DIP2C: variants seen among roughly 807,000 people sequenced by gnomAD.
DIP2C encodes DIP2 acetate--CoA ligase C (putative), also known as disco-interacting protein 2 homolog C.
DIP2C carries 33 observed loss-of-function variants against 192.4 expected under a neutral mutation model. That is an observed-to-expected ratio of 0.17 (90% CI 0.13 to 0.23). The LOEUF is 0.23. DIP2C is among the 10% of genes least tolerant of loss of function. The probability of loss-of-function intolerance (pLI) is 1.00; values close to 1 mark genes in which losing one functional copy is unlikely to be tolerated. For synonymous variants in DIP2C, 979 were observed against 864.1 expected (o/e 1.13, Z -2.33); for missense variants, 1,537 against 2,110.1 (o/e 0.73, Z 5.32).
intron 29 of DIP2C, among the ~76,000 whole-genome samples, chr10:336,804 C>A (rs1957789417): frequency 6.6e-6 from 1 of 151,602 alleles, no homozygotes. Context: ...ACACTGAACA[C>A]CCTGGCCCTG....
chr10:565,813 C>T (rs959054587), intron 1 of DIP2C, among the ~76,000 whole-genome samples: 1 of 152,242 alleles, frequency 6.6e-6, no homozygotes, highest in African/African-American at 2.4e-5. Context: ...CAGGCTGGCG[C>T]CCTTCTCCGA....
intron 1 of DIP2C, among the ~76,000 whole-genome samples, chr10:621,685 C>T (rs1367878696): frequency 6.6e-6 from 1 of 152,198 alleles, no homozygotes; most frequent in Non-Finnish European, 1.5e-5. Flanking sequence ...CGCCTCCATC[C>T]TCCATCCTCC....
chr10:424,000 T>A (rs1157811874), intron 4 of DIP2C, among the ~76,000 whole-genome samples: 1 of 152,228 alleles, frequency 6.6e-6, no homozygotes, highest in Non-Finnish European at 1.5e-5. Context: ...TCACTATAAT[T>A]TATGAGAATA....
intron 29 of DIP2C, among the ~76,000 whole-genome samples, chr10:337,717 A>C (rs1251012922): frequency 1.4e-5 from 2 of 144,774 alleles, no homozygotes; most frequent in African/African-American, 5.3e-5. Context: ...GTGGAGGCCT[A>C]GGCTGATGTG....
intron 29 of DIP2C, among the ~76,000 whole-genome samples, chr10:337,049 G>GT (rs1957829438): frequency 5.3e-5 from 2 of 37,964 alleles, no homozygotes; most frequent in African/African-American, 1.3e-4. Flanking sequence ...GGCCTAGACT[G>GT]GTGTGTGTGT....
chr10:658,332 ACTGGACCTGCCC>A (rs771815620), intron 1 of DIP2C, among the ~76,000 whole-genome samples: 4,969 of 59,230 alleles, frequency 0.084, 50 homozygotes, highest in Middle Eastern at 0.18. Context: ...TGGACCTGAC[ACTGGACCTGCCC>A]CTGGACCTGC....
intron 31 of DIP2C, among the ~76,000 whole-genome samples, chr10:313,932 T>C (rs1202896414): frequency 6.6e-6 from 1 of 152,200 alleles, no homozygotes; most frequent in Non-Finnish European, 1.5e-5. Flanking sequence ...CACCATAATA[T>C]TAGCACAACC....
In DIP2C at chr10:537,424, T is replaced by A. The variant is rs553117864; in HGVS notation, c.86-50894A>T. Reference sequence around the variant, plus strand: ...AGGATCACCCTGGCGCAGACTCCGGTTCCTTTCAATTCGCCTCTTTTCTTC... The same window carrying A: ...AGGATCACCCTGGCGCAGACTCCGGATCCTTTCAATTCGCCTCTTTTCTTC... On this transcript the variant is annotated intron_variant, in intron 1 of 36. Coordinates refer to ENST00000280886, the MANE Select transcript of DIP2C (RefSeq NM_014974.3). Among the ~76,000 whole-genome samples the A allele has an allele frequency of 3.3e-5, 5 of 152,250 alleles. No homozygotes were observed. In the South Asian group the frequency reaches 1.0e-3, roughly 32 times the overall value.
At position 283,248 on chromosome 10, in the gene DIP2C, G is replaced by A. The variant is rs45445697; in HGVS notation, c.4294+24C>T. ...AACCTCTCTGCCCATCTGTTGGGGG[G>A]GGGCCGCCAGCCTGGACTCTCACCT... is the stretch of plus-strand genomic sequence containing the variant. On this transcript the variant is annotated intron_variant, in intron 35 of 36. Coordinates refer to ENST00000280886, the MANE Select transcript of DIP2C (RefSeq NM_014974.3). 3 of 1,610,208 alleles carry A rather than the reference G, an allele frequency of 1.9e-6. No individual in the cohort carries two copies. In the African/African-American group the frequency reaches 4.0e-5, roughly 22 times the overall value.
intron 1 of DIP2C, among the ~76,000 whole-genome samples, chr10:671,336 G>A (rs368268359): frequency 6.6e-6 from 1 of 151,900 alleles, no homozygotes; most frequent in East Asian, 1.9e-4. Context: ...CAGACGCACG[G>A]ACGGAGGAAA....
At chr10:472,884 G>C (rs752647957) in intron 2 of DIP2C, among the ~76,000 whole-genome samples, 3 of 152,210 alleles carry the variant, frequency 2.0e-5, no homozygotes, top group Admixed American at 6.6e-5. Flanking sequence ...ATAGACTCAA[G>C]TTATGACCTT....
chr10:474,758 G>T (rs1746199237), intron 2 of DIP2C, among the ~76,000 whole-genome samples: 1 of 152,120 alleles, frequency 6.6e-6, no homozygotes, highest in African/African-American at 2.4e-5. Context: ...CGGACTTCTG[G>T]GTGAAAATTA....
chr10:685,092 C>A (rs1291669363), intron 1 of DIP2C, among the ~76,000 whole-genome samples: 1 of 138,612 alleles, frequency 7.2e-6, no homozygotes, highest in Non-Finnish European at 1.5e-5. Flanking sequence ...CGAGATTGCA[C>A]CACTGCACCC....
At chr10:541,050 TGGGGA>T (rs1847957279) in intron 1 of DIP2C, among the ~76,000 whole-genome samples, 1 of 130,506 alleles carries the variant, frequency 7.7e-6, no homozygotes, top group Non-Finnish European at 1.6e-5. Flanking sequence ...CACCCGATGC[TGGGGA>T]GCCACAACAC....
At position 513,641 on chromosome 10, in the gene DIP2C, T is replaced by C. The variant is rs551013513; in HGVS notation, c.86-27111A>G. Among the ~76,000 whole-genome samples the C allele has an allele frequency of 2.6e-5, 4 of 152,312 alleles. No homozygotes were observed. In the East Asian group the frequency reaches 7.7e-4, roughly 29 times the overall value. On this transcript the variant is annotated intron_variant, in intron 1 of 36. Coordinates refer to ENST00000280886, the MANE Select transcript of DIP2C (RefSeq NM_014974.3). ...CACCTTACCTGAAAGTCACTAAGTA[T>C]AACCAAGAAGGAAATGAAAAGTAGA... is the stretch of plus-strand genomic sequence containing the variant.
At chr10:494,968 G>A (rs372456356) in intron 1 of DIP2C, among the ~76,000 whole-genome samples, 9 of 152,206 alleles carry the variant, frequency 5.9e-5, no homozygotes, top group East Asian at 1.9e-4. Context: ...CAATCACTTC[G>A]ATGTGGAATT....
intron 16 of DIP2C, among the ~76,000 whole-genome samples, chr10:383,169 T>C (rs527791953): frequency 6.6e-6 from 1 of 152,384 alleles, no homozygotes; most frequent in Admixed American, 6.5e-5. Flanking sequence ...CAAATATAGA[T>C]ATACTTTTCT....
chr10:474,844 T>TAC, intron 2 of DIP2C, among the ~76,000 whole-genome samples: 1 of 152,236 alleles, frequency 6.6e-6, no homozygotes, highest in Non-Finnish European at 1.5e-5. Flanking sequence ...CCTTATGTAA[T>TAC]ACCCATTCCT....
chr10:499,673 G>T (rs1046893471), intron 1 of DIP2C, among the ~76,000 whole-genome samples: 2 of 152,200 alleles, frequency 1.3e-5, no homozygotes, highest in Non-Finnish European at 2.9e-5. Context: ...CGCGAGGACA[G>T]CATAGGGGAA....
Sources: gnomAD v4.1 joint callset for allele counts (sites outside exome capture counted in the v4.1 genomes callset) on GRCh38, gnomAD v4.1.1 for gene constraint, MANE v1.5 for transcripts, NCBI Gene and HGNC (gene_info 2026-07-23, HGNC 2026-07-21) for gene names.